Variants in SAMMSON observed in about 807,000 individuals in gnomAD.
SAMMSON encodes the protein long intergenic non-protein coding RNA 1212.
intron 4 of SAMMSON, among the ~76,000 whole-genome samples, chr3:70,220,619 T>C (rs1268803880): frequency 6.6e-6 from 1 of 152,148 alleles, no homozygotes; most frequent in Non-Finnish European, 1.5e-5. Context: ...TGTTAGTGTG[T>C]TGAGGTGTTT....
At chr3:70,100,727 A>C (rs2067341948) in intron 4 of SAMMSON, among the ~76,000 whole-genome samples, 1 of 152,184 alleles carries the variant, frequency 6.6e-6, no homozygotes, top group Admixed American at 6.5e-5. Flanking sequence ...GCATTGGGAC[A>C]TCTATTATTT....
At position 70,236,660 on chromosome 3, in the gene SAMMSON, A is replaced by G. The variant is rs756448744; in HGVS notation, n.508-12447A>G. Among the ~76,000 whole-genome samples, 5 of 152,140 alleles carry G rather than the reference A, an allele frequency of 3.3e-5. No homozygotes were observed. The South Asian group carries it at 6.2e-4, about 19-fold the overall frequency. Reference sequence around the variant, plus strand: ...ACCCAGGCTGGAGTGCAGCGGCACAATCATGGCTCGCTGCAGTCTCAACCT... The same window carrying G: ...ACCCAGGCTGGAGTGCAGCGGCACAGTCATGGCTCGCTGCAGTCTCAACCT... On this transcript the variant is annotated intron_variant and non_coding_transcript_variant, in intron 4 of 9. Coordinates refer to ENST00000642114, the Ensembl canonical transcript of SAMMSON.
intron 6 of SAMMSON, among the ~76,000 whole-genome samples, chr3:70,254,522 C>T (rs1701796840): frequency 6.6e-6 from 1 of 152,090 alleles, no homozygotes; most frequent in African/African-American, 2.4e-5. Context: ...TTAGTTTTCA[C>T]TTAGAGAGCT....
intron 4 of SAMMSON, among the ~76,000 whole-genome samples, chr3:70,227,969 G>A (rs1022486196): frequency 5.3e-5 from 8 of 151,584 alleles, no homozygotes; most frequent in South Asian, 2.1e-4. Context: ...AACATTCATA[G>A]TAAGTATAAT....
At chr3:70,284,507 T>C (rs1288702732) in intron 6 of SAMMSON, among the ~76,000 whole-genome samples, 1 of 152,110 alleles carries the variant, frequency 6.6e-6, no homozygotes, top group Non-Finnish European at 1.5e-5. Context: ...TAAATGCCCA[T>C]CAATGATAGA....
At chr3:70,287,582 G>T (rs1245559854) in intron 6 of SAMMSON, among the ~76,000 whole-genome samples, 5 of 151,992 alleles carry the variant, frequency 3.3e-5, no homozygotes, top group South Asian at 2.1e-4. Flanking sequence ...TAAAATGAGT[G>T]AGGGAGGATT....
At chr3:70,341,773 G>A (rs1702712901) in intron 7 of SAMMSON, among the ~76,000 whole-genome samples, 1 of 152,076 alleles carries the variant, frequency 6.6e-6, no homozygotes, top group South Asian at 2.1e-4. Context: ...GTCCTTAATA[G>A]CATTATGCAG....
At chr3:70,088,055 C>A (rs984193407) in intron 4 of SAMMSON, among the ~76,000 whole-genome samples, 2 of 152,132 alleles carry the variant, frequency 1.3e-5, no homozygotes, top group African/African-American at 4.8e-5. Context: ...CAAGCATTTG[C>A]CTTCTTTCCG....
At chr3:70,048,303 A>G (rs2067134411) in intron 3 of SAMMSON, among the ~76,000 whole-genome samples, 1 of 152,222 alleles carries the variant, frequency 6.6e-6, no homozygotes, top group Admixed American at 6.5e-5. Context: ...CAGCTGTGTT[A>G]TGTGATTCTG....
At chr3:70,339,060 A>G (rs932536489) in intron 7 of SAMMSON, among the ~76,000 whole-genome samples, 4 of 152,190 alleles carry the variant, frequency 2.6e-5, no homozygotes, top group African/African-American at 9.7e-5. Context: ...AGAGATATAG[A>G]CCAATGGAAC....
At chr3:70,010,815 C>G (rs532569274) in intron 1 of SAMMSON, among the ~76,000 whole-genome samples, 30 of 152,258 alleles carry the variant, frequency 2.0e-4, no homozygotes, top group Admixed American at 1.6e-3. Flanking sequence ...AAAGGAGCAG[C>G]AGGCACCTTC....
intron 2 of SAMMSON, among the ~76,000 whole-genome samples, chr3:70,431,874 A>G (rs1230853684): frequency 1.3e-5 from 2 of 152,048 alleles, no homozygotes; most frequent in African/African-American, 4.8e-5. Flanking sequence ...TCGCTTAACA[A>G]AATATTTTTG....
chr3:70,026,998 C>G (rs866717138), intron 3 of SAMMSON, among the ~76,000 whole-genome samples: 2 of 152,078 alleles, frequency 1.3e-5, no homozygotes, highest in African/African-American at 4.8e-5. Flanking sequence ...GGGCTGATTC[C>G]CAGACTCTAC....
At chr3:70,007,201 A>T (rs1332733615) in intron 1 of SAMMSON, among the ~76,000 whole-genome samples, 1 of 152,072 alleles carries the variant, frequency 6.6e-6, no homozygotes, top group Admixed American at 6.5e-5. Flanking sequence ...TTTCTAGTTT[A>T]AGATCCTTGA....
At chr3:70,147,402 A>G (rs2067553323) in intron 4 of SAMMSON, among the ~76,000 whole-genome samples, 1 of 152,046 alleles carries the variant, frequency 6.6e-6, no homozygotes, top group Non-Finnish European at 1.5e-5. Context: ...GAATCAATCT[A>G]CTCAATTTTT....
At chr3:70,387,968 ATTTTTTTTGG>A (rs1226434427) in intron 9 of SAMMSON, among the ~76,000 whole-genome samples, 1 of 115,810 alleles carries the variant, frequency 8.6e-6, no homozygotes, top group Non-Finnish European at 1.8e-5. Context: ...TTTTGAGCCT[ATTTTTTTTGG>A]TTTGTTTTGG....
chr3:70,270,224 T>C (rs866449076), intron 6 of SAMMSON, among the ~76,000 whole-genome samples: 1 of 152,190 alleles, frequency 6.6e-6, no homozygotes, highest in East Asian at 1.9e-4. Context: ...CAATGACCAG[T>C]TGGTTTTACA....
chr3:70,281,107 T>G (rs1281300902), intron 6 of SAMMSON, among the ~76,000 whole-genome samples: 1 of 152,184 alleles, frequency 6.6e-6, no homozygotes, highest in Non-Finnish European at 1.5e-5. Flanking sequence ...AATCAGCCTT[T>G]TGTGAACTGA....
chr3:70,227,199 G>A (rs1426249630), intron 4 of SAMMSON, among the ~76,000 whole-genome samples: 1 of 152,132 alleles, frequency 6.6e-6, no homozygotes, highest in South Asian at 2.1e-4. Context: ...GATGGAGGAT[G>A]AATTAGAAAG....
Sources: gnomAD v4.1 joint callset for allele counts (sites outside exome capture counted in the v4.1 genomes callset) on GRCh38, gnomAD v4.1.1 for gene constraint, MANE v1.5 for transcripts, NCBI Gene and HGNC (gene_info 2026-07-23, HGNC 2026-07-21) for gene names.